Variants in ST6GALNAC3 observed in about 807,000 individuals in gnomAD.
ST6GALNAC3 encodes the protein ST6 N-acetylgalactosaminide alpha-2,6-sialyltransferase 3.
Under a neutral mutation model 32.7 loss-of-function variants are expected in ST6GALNAC3, and 25 were observed. The ratio of observed to expected loss-of-function variants is 0.76; its 90% CI spans 0.56 to 1.07. The LOEUF is 1.07. Among genes scored for constraint, ST6GALNAC3 ranks in the 50% least tolerant of loss-of-function variants. The pLI is 0.00. For synonymous variants in ST6GALNAC3, 129 were observed against 133.1 expected, an observed-to-expected ratio of 0.97 and a Z score of 0.21; for missense variants, 355 against 382.4, an observed-to-expected ratio of 0.93 and a Z score of 0.60.
chr1:76,607,784 C>G (rs1647657914), intron 3 of ST6GALNAC3, among the ~76,000 whole-genome samples: 1 of 152,104 alleles, frequency 6.6e-6, no homozygotes, highest in South Asian at 2.1e-4. Context: ...CCAGTCTCTA[C>G]CCACCCCGTA....
chr1:76,135,441 G>A (rs2100249131), intron 1 of ST6GALNAC3, among the ~76,000 whole-genome samples: 1 of 152,230 alleles, frequency 6.6e-6, no homozygotes, highest in Non-Finnish European at 1.5e-5. Flanking sequence ...ACATAAATTA[G>A]CTCATTTACT....
intron 1 of ST6GALNAC3, among the ~76,000 whole-genome samples, chr1:76,243,166 A>G (rs571709697): frequency 6.6e-6 from 1 of 152,312 alleles, no homozygotes; most frequent in Admixed American, 6.5e-5. Context: ...GTGAGTTGGT[A>G]TCTCATTGTG....
At chr1:76,249,378 T>C (rs1042437934) in intron 1 of ST6GALNAC3, among the ~76,000 whole-genome samples, 1 of 152,190 alleles carries the variant, frequency 6.6e-6, no homozygotes, top group Non-Finnish European at 1.5e-5. Context: ...ATTTTAATTT[T>C]GTGATTTTGT....
chr1:76,626,385 G>A (rs1648969401), intron 3 of ST6GALNAC3, among the ~76,000 whole-genome samples: 1 of 151,880 alleles, frequency 6.6e-6, no homozygotes, highest in Non-Finnish European at 1.5e-5. Flanking sequence ...GAGTTTTAAG[G>A]AGATGGACAG....
At chr1:76,555,760 A>C (rs1664879181) in intron 3 of ST6GALNAC3, among the ~76,000 whole-genome samples, 1 of 152,170 alleles carries the variant, frequency 6.6e-6, no homozygotes, top group African/African-American at 2.4e-5. Context: ...TTGAAGAGCT[A>C]GATAAAGATT....
intron 1 of ST6GALNAC3, among the ~76,000 whole-genome samples, chr1:76,152,651 A>G (rs1041776794): frequency 6.6e-6 from 1 of 152,200 alleles, no homozygotes; most frequent in Non-Finnish European, 1.5e-5. Context: ...ACAGAATGAA[A>G]GGCCCCCACA....
chr1:76,455,926 C>T (rs1657749985), intron 3 of ST6GALNAC3, among the ~76,000 whole-genome samples: 1 of 152,086 alleles, frequency 6.6e-6, no homozygotes, highest in Non-Finnish European at 1.5e-5. Context: ...TGGTTCACAC[C>T]TATAATCCAA....
At chr1:76,255,862 A>G (rs1313912871) in intron 1 of ST6GALNAC3, among the ~76,000 whole-genome samples, 1 of 152,158 alleles carries the variant, frequency 6.6e-6, no homozygotes, top group Non-Finnish European at 1.5e-5. Context: ...AGGGCAATAT[A>G]AAAGGCAGGA....
intron 3 of ST6GALNAC3, among the ~76,000 whole-genome samples, chr1:76,413,948 G>GTA (rs1262598247): frequency 6.6e-6 from 1 of 152,068 alleles, no homozygotes; most frequent in Non-Finnish European, 1.5e-5. Context: ...AGCCCTCAGG[G>GTA]TATCACCCAG....
intron 2 of ST6GALNAC3, among the ~76,000 whole-genome samples, chr1:76,389,348 C>A (rs1422547019): frequency 3.9e-5 from 6 of 152,026 alleles, no homozygotes; most frequent in Non-Finnish European, 8.8e-5. Flanking sequence ...ACTGAGATGG[C>A]CAGAGTCCAG....
chr1:76,593,827 T>C (rs1421719190), intron 3 of ST6GALNAC3, among the ~76,000 whole-genome samples: 1 of 152,016 alleles, frequency 6.6e-6, no homozygotes, highest in Non-Finnish European at 1.5e-5. Context: ...TGTAAACAAA[T>C]GGTTTCAGTA....
chr1:76,124,285 G>T (rs927895552), intron 1 of ST6GALNAC3, among the ~76,000 whole-genome samples: 2 of 150,740 alleles, frequency 1.3e-5, no homozygotes, highest in Non-Finnish European at 3.0e-5. Flanking sequence ...CTGTGAAGCT[G>T]AGTCCCGTTA....
rs778424845 is a variant in ST6GALNAC3, at chr1:76,594,661, A to G, written c.624-32791A>G. 7.2e-5 allele frequency among the ~76,000 whole-genome samples: 11 copies of G among 152,200 alleles called. 1 individual carries two copies. The highest frequency in any genetic ancestry group is 5.9e-4 in the Admixed American group (9 of 15,266). On this transcript the variant is annotated intron_variant, in intron 3 of 4. Coordinates refer to ENST00000328299, the MANE Select transcript of ST6GALNAC3 (RefSeq NM_152996.4). The stretch of plus-strand genomic sequence containing the variant: ...TAGATAGATGTAGATAGATAAATAC[A>G]TAGACAATAGATAAAGCTGCTCCTT...
At chr1:76,292,796 T>C (rs1056230821) in intron 1 of ST6GALNAC3, among the ~76,000 whole-genome samples, 5 of 152,172 alleles carry the variant, frequency 3.3e-5, no homozygotes, top group African/African-American at 1.2e-4. Context: ...GCCCCACATG[T>C]CAGTTATGCA....
intron 3 of ST6GALNAC3, among the ~76,000 whole-genome samples, chr1:76,525,411 A>C (rs996964032): frequency 1.3e-5 from 2 of 152,086 alleles, no homozygotes; most frequent in Admixed American, 6.6e-5. Context: ...ACATAATCCC[A>C]CTAAAAAATA....
chr1:76,612,538 C>T (rs1269356530), intron 3 of ST6GALNAC3, among the ~76,000 whole-genome samples: 1 of 152,142 alleles, frequency 6.6e-6, no homozygotes, highest in Non-Finnish European at 1.5e-5. Flanking sequence ...GAGCCATTCA[C>T]TCTCTAACAT....
At chr1:76,146,831 C>A (rs1269186734) in intron 1 of ST6GALNAC3, among the ~76,000 whole-genome samples, 1 of 152,130 alleles carries the variant, frequency 6.6e-6, no homozygotes, top group African/African-American at 2.4e-5. Flanking sequence ...GGGTGGTTTT[C>A]TCATTTCTGA....
intron 3 of ST6GALNAC3, among the ~76,000 whole-genome samples, chr1:76,564,787 G>GTT: frequency 6.6e-6 from 1 of 151,980 alleles, no homozygotes; most frequent in Admixed American, 6.6e-5. Context: ...GGGTTTCACC[G>GTT]TTAGCCAGGA....
intron 2 of ST6GALNAC3, among the ~76,000 whole-genome samples, chr1:76,343,541 C>T (rs1364774608): frequency 1.3e-5 from 2 of 152,164 alleles, no homozygotes; most frequent in African/African-American, 2.4e-5. Context: ...CAGAAATAAA[C>T]CAGGCATGCT....
Sources: gnomAD v4.1 joint callset for allele counts (sites outside exome capture counted in the v4.1 genomes callset) on GRCh38, gnomAD v4.1.1 for gene constraint, MANE v1.5 for transcripts, NCBI Gene and HGNC (gene_info 2026-07-23, HGNC 2026-07-21) for gene names.